The following TANC1 variants were observed in gnomAD, a reference collection of about 807,000 sequenced individuals.
TANC1 encodes the protein protein TANC1.
A neutral mutation model predicts 149.7 loss-of-function variants in TANC1; 77 were observed. The ratio of observed to expected loss-of-function variants is 0.51; its 90% CI spans 0.43 to 0.62. TANC1 has a LOEUF of 0.62. Among genes scored for constraint, TANC1 ranks in the 20% least tolerant of loss-of-function variants. TANC1 has a pLI of 0.00. For synonymous variants in TANC1, 854 were observed against 925.0 expected (o/e 0.92, Z 1.39); for missense variants, 1,985 against 2,321.8 (o/e 0.85, Z 2.98).
intron 19 of TANC1, among the ~76,000 whole-genome samples, chr2:159,205,042 G>C (rs1238634012): frequency 6.6e-6 from 1 of 152,260 alleles, no homozygotes; most frequent in Non-Finnish European, 1.5e-5. Context: ...TGCAGCTGGG[G>C]TGGGTGTTTC....
intron 4 of TANC1, among the ~76,000 whole-genome samples, chr2:159,130,584 C>T (rs2049971802): frequency 6.6e-6 from 1 of 152,142 alleles, no homozygotes; most frequent in African/African-American, 2.4e-5. Flanking sequence ...ACTGTGTGGC[C>T]TGCAGTTGTT....
intron 2 of TANC1, among the ~76,000 whole-genome samples, chr2:159,036,886 G>A (rs1440833481): frequency 6.6e-6 from 1 of 152,166 alleles, no homozygotes; most frequent in Non-Finnish European, 1.5e-5. Context: ...GTAATGGGAT[G>A]GCTGGGTCAA....
chr2:158,996,930 C>A (rs1053833043), intron 1 of TANC1, among the ~76,000 whole-genome samples: 1 of 151,882 alleles, frequency 6.6e-6, no homozygotes, highest in Non-Finnish European at 1.5e-5. Context: ...GCTGTTCATA[C>A]CTCTCCATGT....
intron 2 of TANC1, among the ~76,000 whole-genome samples, chr2:159,048,221 T>G (rs1351494010): frequency 6.6e-6 from 1 of 152,232 alleles, no homozygotes; most frequent in Non-Finnish European, 1.5e-5. Context: ...GCCACAGCAC[T>G]GTTGTAGATA....
chr2:159,025,209 C>CTTTCTTTCTT (rs2039203519), intron 2 of TANC1, among the ~76,000 whole-genome samples: 6 of 133,956 alleles, frequency 4.5e-5, no homozygotes, highest in Non-Finnish European at 6.5e-5. Context: ...TTCTTTCTTT[C>CTTTCTTTCTT]TTTCTTTCTT....
At chr2:159,184,485 T>A (rs2056791861) in intron 14 of TANC1, among the ~76,000 whole-genome samples, 1 of 152,096 alleles carries the variant, frequency 6.6e-6, no homozygotes, top group African/African-American at 2.4e-5. Context: ...AAAGTGATAG[T>A]TAGTGTGTCT....
intron 14 of TANC1, 120 bp downstream of exon 14, chr2:159,179,283 T>TA (rs1460407803): frequency 7.6e-7 from 1 of 1,320,974 alleles, no homozygotes; most frequent in South Asian, 1.4e-5. Context: ...AATTCAGTGT[T>TA]ACTGCTTTGT....
intron 4 of TANC1, among the ~76,000 whole-genome samples, chr2:159,098,180 A>G (rs1014400630): frequency 1.2e-4 from 19 of 152,166 alleles, no homozygotes; most frequent in African/African-American, 3.9e-4. Flanking sequence ...GACAAACTGC[A>G]TGTATGATGG....
chr2:159,185,755 C>A (rs909244234), intron 14 of TANC1, 36 bp from the exon 15 acceptor site: 3 of 1,472,508 alleles, frequency 2.0e-6, no homozygotes, highest in South Asian at 2.3e-5. Context: ...GTGGAATGGG[C>A]TCTTCTGCTG....
At chr2:158,980,443 C>A (rs2034167234) in intron 1 of TANC1, among the ~76,000 whole-genome samples, 1 of 152,058 alleles carries the variant, frequency 6.6e-6, no homozygotes, top group South Asian at 2.1e-4. Context: ...ATCACCACCC[C>A]ATTATCACTT....
At chr2:159,159,138 A>G (rs1002183703) in intron 7 of TANC1, among the ~76,000 whole-genome samples, 1 of 152,090 alleles carries the variant, frequency 6.6e-6, no homozygotes, top group African/African-American at 2.4e-5. Context: ...TGCTGATTCT[A>G]TTTTAAGTGT....
chr2:158,989,920 T>G (rs1017411684), intron 1 of TANC1, among the ~76,000 whole-genome samples: 4 of 147,864 alleles, frequency 2.7e-5, no homozygotes, highest in African/African-American at 9.8e-5. Flanking sequence ...AAATGGGGAT[T>G]TTTTTTTTTT....
intron 2 of TANC1, among the ~76,000 whole-genome samples, chr2:159,022,564 G>A (rs1374720022): frequency 6.6e-6 from 1 of 152,104 alleles, no homozygotes; most frequent in Admixed American, 6.5e-5. Context: ...GGCTAACATG[G>A]TGAAACCCCA....
chr2:159,106,278 T>C (rs376631448), intron 4 of TANC1, among the ~76,000 whole-genome samples: 2 of 152,082 alleles, frequency 1.3e-5, no homozygotes, highest in East Asian at 3.8e-4. Flanking sequence ...AAAAACCCCA[T>C]ACCCGTTACT....
intron 4 of TANC1, among the ~76,000 whole-genome samples, chr2:159,119,608 G>A (rs2048642891): frequency 6.6e-6 from 1 of 152,126 alleles, no homozygotes; most frequent in Non-Finnish European, 1.5e-5. Context: ...TGTTTAATGT[G>A]GAAACCCTGT....
chr2:159,183,196 A>G (rs1002310092), intron 14 of TANC1, among the ~76,000 whole-genome samples: 7 of 152,304 alleles, frequency 4.6e-5, no homozygotes, highest in African/African-American at 1.7e-4. Flanking sequence ...GAGGAAGAAG[A>G]GCCAGAAACT....
intron 15 of TANC1, 97 bp downstream of exon 15, chr2:159,185,996 G>A (rs1035856289): frequency 1.5e-5 from 13 of 894,370 alleles, no homozygotes; most frequent in East Asian, 2.6e-5. Flanking sequence ...TCCAAGAAAC[G>A]CTCCATGCAC....
intron 2 of TANC1, among the ~76,000 whole-genome samples, chr2:159,058,700 C>T (rs1017726183): frequency 6.6e-5 from 10 of 152,176 alleles, no homozygotes; most frequent in Admixed American, 1.3e-4. Flanking sequence ...GGCTCTTGTA[C>T]TTAGAAGGAA....
At chr2:159,116,121 A>G (rs2048214985) in intron 4 of TANC1, among the ~76,000 whole-genome samples, 1 of 152,116 alleles carries the variant, frequency 6.6e-6, no homozygotes, top group Admixed American at 6.5e-5. Flanking sequence ...CAAGTATGAT[A>G]AGGAATGAAA....
Sources: allele counts gnomAD v4.1 joint callset (sites outside exome capture counted in the v4.1 genomes callset), GRCh38; gene constraint gnomAD v4.1.1; transcripts MANE v1.5; gene names NCBI Gene and HGNC (gene_info 2026-07-23, HGNC 2026-07-21).